Variants in HOMER1 observed in about 807,000 individuals in gnomAD.
HOMER1 encodes the protein homer scaffold protein 1, also known as homer protein homolog 1.
A neutral mutation model predicts 48.9 loss-of-function variants in HOMER1; 3 were observed. The ratio of observed to expected loss-of-function variants is 0.06; its 90% confidence interval spans 0.03 to 0.16. The LOEUF (loss-of-function observed/expected upper bound fraction) is 0.16, where lower values mean the gene tolerates loss of function less well. HOMER1 is among the 10% of genes least tolerant of loss of function. The pLI, the probability that HOMER1 is intolerant of heterozygous loss-of-function variation, is 1.00. For synonymous variants in HOMER1, 134 were observed against 146.4 expected (o/e 0.92, Z 0.61); for missense variants, 247 against 411.4 (o/e 0.60, Z 3.46).
At chr5:79,446,190 A>G (rs1352432958) in intron 4 of HOMER1, among the ~76,000 whole-genome samples, 1 of 152,142 alleles carries the variant, frequency 6.6e-6, no homozygotes, top group Non-Finnish European at 1.5e-5. Context: ...TCCAGGAGAC[A>G]ATATTCCTCT....
intron 5 of HOMER1, among the ~76,000 whole-genome samples, chr5:79,431,674 C>T (rs1233659186): frequency 6.6e-6 from 1 of 151,996 alleles, no homozygotes; most frequent in Non-Finnish European, 1.5e-5. Context: ...ACAAGGTCCC[C>T]AAAATTAACA....
At chr5:79,432,278 G>C (rs1580447450) in intron 5 of HOMER1, among the ~76,000 whole-genome samples, 1 of 152,146 alleles carries the variant, frequency 6.6e-6, no homozygotes, top group Non-Finnish European at 1.5e-5. Context: ...GCTAAGAACA[G>C]AAATGGAGGG....
chr5:79,435,659 G>A (rs1284032518), intron 5 of HOMER1, among the ~76,000 whole-genome samples: 7 of 151,208 alleles, frequency 4.6e-5, no homozygotes, highest in Non-Finnish European at 1.0e-4. Flanking sequence ...GTGAAACCCC[G>A]TCTCTACTAA....
At position 79,512,767 on chromosome 5, in the gene HOMER1, T is replaced by C. The variant is rs1752976983; in HGVS notation, c.5+3A>G. The C allele has an allele frequency of 6.2e-7, 1 of 1,613,422 alleles. No homozygotes were observed. ...AAGCTGTGTTAAGCACAAAAATCCT[T>C]ACCCCATTTTGCCCAATGAAAACTT... is the stretch of plus-strand genomic sequence containing the variant. On this transcript the variant is annotated splice_donor_region_variant and intron_variant, in intron 1 of 8. Transcript: ENST00000334082.
chr5:79,470,993 C>A (rs1751599696), intron 1 of HOMER1, among the ~76,000 whole-genome samples: 1 of 152,026 alleles, frequency 6.6e-6, no homozygotes, highest in Admixed American at 6.6e-5. Flanking sequence ...ACACAGACAC[C>A]AGAATGATCC....
At chr5:79,507,782 T>G (rs1338674765) in intron 1 of HOMER1, among the ~76,000 whole-genome samples, 1 of 152,132 alleles carries the variant, frequency 6.6e-6, no homozygotes, top group Admixed American at 6.6e-5. Context: ...TCTTCTGAGA[T>G]GTTTAATCAC....
At chr5:79,470,508 A>G (rs1308516604) in intron 1 of HOMER1, among the ~76,000 whole-genome samples, 2 of 152,232 alleles carry the variant, frequency 1.3e-5, no homozygotes, top group Admixed American at 1.3e-4. Context: ...GTATGAAAAC[A>G]GCACTCCTGA....
rs1748726983 is a variant in HOMER1 at position 79,374,891 on chromosome 5, C to T, written c.*1118G>A. 6.6e-6 allele frequency: 1 copy of T among 152,010 alleles called. No individual in the cohort carries two copies. The highest frequency in any genetic ancestry group is 1.5e-5 in the Non-Finnish European group (1 of 67,918). 9.4% of individuals were successfully genotyped at this position (152,010 alleles called of 1,614,324 possible). On this transcript the variant is annotated 3_prime_UTR_variant, in exon 9 of 9. Transcript: ENST00000334082. ...GAATATTGCCTTGTGAGGTTTGAAT[C>T]AAGATGTGATTGATGTGTAGAGCCA...
intron 6 of HOMER1, among the ~76,000 whole-genome samples, chr5:79,398,198 T>C (rs1029594177): frequency 6.7e-5 from 10 of 148,614 alleles, no homozygotes. Context: ...CAAAGAGTAA[T>C]ATAACTTTTA....
chr5:79,374,525 TAAC>T lies in HOMER1; in HGVS notation c.*1481_*1483del, dbSNP rs1561338238. 6.6e-6 allele frequency: 1 copy of T among 151,974 alleles called. No homozygotes were observed. The highest frequency in any genetic ancestry group is 1.5e-5 in the Non-Finnish European group (1 of 67,856). The allele number at this position is 151,974 out of a possible 1,614,324, so 9.4% of individuals were successfully genotyped here. A position where few individuals can be genotyped will look rare whatever the true frequency, so the allele number is the denominator to read the frequency against. Reference sequence around the variant, plus strand: ...TGGTTAATTAGCTTAATTTTGTACTTAACAATTCGATCATTTTGGGGTACAAAC... The same window carrying T: ...TGGTTAATTAGCTTAATTTTGTACTTAATTCGATCATTTTGGGGTACAAAC... On this transcript the variant is annotated 3_prime_UTR_variant, in exon 9 of 9. Transcript: ENST00000334082.
chr5:79,433,122 A>G (rs1750469166), intron 5 of HOMER1, among the ~76,000 whole-genome samples: 1 of 152,192 alleles, frequency 6.6e-6, no homozygotes, highest in Non-Finnish European at 1.5e-5. Context: ...TTTCTATTCT[A>G]GTTTATTACT....
chr5:79,492,344 G>A (rs1752300457), intron 1 of HOMER1, among the ~76,000 whole-genome samples: 1 of 152,134 alleles, frequency 6.6e-6, no homozygotes, highest in African/African-American at 2.4e-5. Flanking sequence ...TGTCTAGAAA[G>A]ACTAAAAATA....
intron 1 of HOMER1, among the ~76,000 whole-genome samples, chr5:79,479,858 A>T (rs1418619457): frequency 6.6e-6 from 1 of 152,238 alleles, no homozygotes; most frequent in Non-Finnish European, 1.5e-5. Flanking sequence ...TGATAGAATT[A>T]CCGAAAACCA....
At chr5:79,481,742 G>A (rs1279927999) in intron 1 of HOMER1, among the ~76,000 whole-genome samples, 2 of 152,150 alleles carry the variant, frequency 1.3e-5, no homozygotes, top group Non-Finnish European at 2.9e-5. Context: ...AGCCAGAAGG[G>A]AGAGCACATG....
At chr5:79,508,334 G>A (rs541497359) in intron 1 of HOMER1, among the ~76,000 whole-genome samples, 1 of 152,262 alleles carries the variant, frequency 6.6e-6, no homozygotes, top group East Asian at 1.9e-4. Context: ...TACAAAGCAA[G>A]GGTATTATGT....
At chr5:79,429,419 G>A (rs1291985384) in intron 5 of HOMER1, among the ~76,000 whole-genome samples, 5 of 152,194 alleles carry the variant, frequency 3.3e-5, no homozygotes, top group Non-Finnish European at 5.9e-5. Context: ...AGACCAATGG[G>A]ACATAATTAA....
At chr5:79,446,959 T>C in intron 4 of HOMER1, 94 bp downstream of exon 4, 1 of 799,284 alleles carries the variant, frequency 1.3e-6, no homozygotes, top group South Asian at 1.5e-5. Flanking sequence ...AAAGGGTGCA[T>C]TTCTGTGTGT....
intron 5 of HOMER1, among the ~76,000 whole-genome samples, chr5:79,406,988 G>T (rs1244653473): frequency 6.6e-6 from 1 of 152,162 alleles, no homozygotes; most frequent in Non-Finnish European, 1.5e-5. Context: ...CTGCAGGAAG[G>T]TCAAGACTGT....
chr5:79,395,007 CTGTT>C lies in HOMER1; in HGVS notation c.876+1812_876+1815del, dbSNP rs1332647567. ...AAAAGAATCATTAAGGATGACTTGA[CTGTT>C]TGTTGCTTGAAGAAGTGTGGTAATG... is the stretch of plus-strand genomic sequence containing the variant. On this transcript the variant is annotated intron_variant, in intron 8 of 8. Transcript: ENST00000334082. Among the ~76,000 whole-genome samples, 22 of 152,122 alleles carry C rather than the reference CTGTT, an allele frequency of 1.4e-4. 1 individual carries two copies. Among genetic ancestry groups the C allele is most frequent in the African/African-American group, 2.9e-4 (12 of 41,418 alleles).
Sources: gnomAD v4.1 joint callset for allele counts (sites outside exome capture counted in the v4.1 genomes callset) on GRCh38, gnomAD v4.1.1 for gene constraint, MANE v1.5 for transcripts, NCBI Gene and HGNC (gene_info 2026-07-23, HGNC 2026-07-21) for gene names.